The following ALMS1 variants were observed in gnomAD, a reference collection of about 807,000 sequenced individuals.
The protein encoded by ALMS1 is centrosome-associated protein ALMS1.
In ALMS1, 271 loss-of-function variants were observed where a neutral mutation model predicts 352.2. The observed-to-expected ratio is 0.77, with a 90% CI of 0.70 to 0.85. The LOEUF (loss-of-function observed/expected upper bound fraction) is 0.85. Among genes scored for constraint, ALMS1 ranks in the 40% least tolerant of loss-of-function variants. ALMS1 has a pLI of 0.00. For missense variants in ALMS1, 5,445 were observed against 4,870.7 expected (o/e 1.12, Z -3.51); for synonymous variants, 1,865 against 1,761.2 (o/e 1.06, Z -1.48).
At position 73,558,939 on chromosome 2, in the gene ALMS1, T is replaced by C. The variant is rs777180333; in HGVS notation, c.10214-33T>C. On this transcript the variant is annotated intron_variant, in intron 14 of 22. Coordinates refer to ENST00000613296, the MANE Select transcript of ALMS1 (RefSeq NM_001378454.1). Reference sequence around the variant, plus strand: ...TTAAAAATCTTTTATGTCAAGTTCCTGTCTGTATAGTGTGTTAATTTCCCT... The same window carrying C: ...TTAAAAATCTTTTATGTCAAGTTCCCGTCTGTATAGTGTGTTAATTTCCCT... The C allele has an allele frequency of 1.9e-6, 3 of 1,611,884 alleles. No individual in the cohort carries two copies. In the South Asian group the frequency reaches 3.3e-5, roughly 18 times the overall value.
intron 21 of ALMS1, among the ~76,000 whole-genome samples, chr2:73,604,363 G>A (rs1386052530): frequency 1.3e-5 from 2 of 152,056 alleles, no homozygotes; most frequent in South Asian, 2.1e-4. Flanking sequence ...ACACCATTAC[G>A]CTCCGGCCTG....
At chr2:73,406,680 C>T (rs1319687514) in intron 1 of ALMS1, among the ~76,000 whole-genome samples, 1 of 152,140 alleles carries the variant, frequency 6.6e-6, no homozygotes, top group African/African-American at 2.4e-5. Context: ...TATAAAAACT[C>T]TAGTCCTTTA....
intron 9 of ALMS1, among the ~76,000 whole-genome samples, chr2:73,471,973 TAAAG>T (rs1040959511): frequency 2.0e-5 from 3 of 151,942 alleles, no homozygotes; most frequent in African/African-American, 7.2e-5. Flanking sequence ...GATGAATGGA[TAAAG>T]AAAATGTGGT....
At chr2:73,582,409 A>T (rs1017584823) in intron 16 of ALMS1, among the ~76,000 whole-genome samples, 1 of 152,200 alleles carries the variant, frequency 6.6e-6, no homozygotes, top group Non-Finnish European at 1.5e-5. Context: ...TCCCTTCTTA[A>T]CTGTTCTTAA....
intron 9 of ALMS1, among the ~76,000 whole-genome samples, chr2:73,465,546 C>T (rs1268535718): frequency 6.6e-6 from 1 of 152,172 alleles, no homozygotes; most frequent in African/African-American, 2.4e-5. Flanking sequence ...TAGAAGAAAA[C>T]CTAGGCAATA....
intron 15 of ALMS1, among the ~76,000 whole-genome samples, chr2:73,571,177 C>T (rs1674919361): frequency 6.6e-6 from 1 of 152,014 alleles, no homozygotes; most frequent in Non-Finnish European, 1.5e-5. Context: ...TGGGGAAGTC[C>T]GTAGGGATTC....
intron 10 of ALMS1, among the ~76,000 whole-genome samples, chr2:73,517,679 C>T (rs1457803237): frequency 1.3e-5 from 2 of 151,222 alleles, no homozygotes; most frequent in Non-Finnish European, 2.9e-5. Context: ...TTTTTGAAGA[C>T]AGAGTTTTGC....
chr2:73,402,975 TGTA>T (rs1670901859), intron 1 of ALMS1, among the ~76,000 whole-genome samples: 2 of 152,326 alleles, frequency 1.3e-5, no homozygotes, highest in South Asian at 4.1e-4. Context: ...TTTTCTCATC[TGTA>T]GTAGACTGTC....
chr2:73,536,356 T>G (rs1442783278), intron 12 of ALMS1, among the ~76,000 whole-genome samples: 2 of 152,124 alleles, frequency 1.3e-5, no homozygotes, highest in Non-Finnish European at 2.9e-5. Context: ...CTGAACAGTG[T>G]AGGTGATGGG....
In ALMS1 at chr2:73,572,493, A is replaced by C. The variant is rs1223712611; in HGVS notation, c.10616A>C (p.Lys3539Thr). The C allele has an allele frequency of 6.2e-7, 1 of 1,613,980 alleles. No individual in the cohort carries two copies. Among genetic ancestry groups the C allele is most frequent in the Admixed American group, 1.7e-5 (1 of 60,004 alleles). ...PLPYQNMDKTKTDYTRIKSLS... is the reference protein window; with the variant it reads ...PLPYQNMDKTTTDYTRIKSLS... ...CCTTATCAAAACATGGACAAGACTAAGACAGATTATACCAGAATAAAGAGC... is the reference window on the plus strand; with the variant it reads ...CCTTATCAAAACATGGACAAGACTACGACAGATTATACCAGAATAAAGAGC... Residue 3539 changes from lysine (K) to threonine (T), a missense_variant, in exon 16 of 23, where the codon AAG becomes ACG. Physicochemically the swap from Lys to Thr is moderately conservative, Grantham distance 78. Transcript: ENST00000613296.
intron 8 of ALMS1, 119 bp downstream of exon 8, chr2:73,454,186 T>C: frequency 6.7e-7 from 1 of 1,485,638 alleles, no homozygotes; most frequent in Non-Finnish European, 8.9e-7. Context: ...AGAAAAAAAA[T>C]GAAGTTAGAT....
intron 2 of ALMS1, among the ~76,000 whole-genome samples, chr2:73,417,260 CTA>C (rs565851812): frequency 1.5e-3 from 224 of 152,196 alleles, no homozygotes; most frequent in Non-Finnish European, 2.4e-3. Flanking sequence ...TTCTACAAAA[CTA>C]TGAGTATTTC....
intron 10 of ALMS1, among the ~76,000 whole-genome samples, chr2:73,510,327 G>A (rs1346438025): frequency 2.6e-5 from 4 of 152,146 alleles, no homozygotes; most frequent in African/African-American, 9.7e-5. Flanking sequence ...TTTTGCACTG[G>A]TTTTTCCTCA....
chr2:73,425,588 G>T (rs1262194158), intron 5 of ALMS1, among the ~76,000 whole-genome samples: 3 of 152,050 alleles, frequency 2.0e-5, no homozygotes. Flanking sequence ...TAGCCTTTGA[G>T]GCAGTTATTG....
At position 73,490,323 on chromosome 2, in the gene ALMS1, A is replaced by G. The variant is rs201353555; in HGVS notation, c.8364A>G (p.Leu2788=). 1 of 1,611,714 alleles carries G rather than the reference A, an allele frequency of 6.2e-7. No individual in the cohort carries two copies. The highest frequency in any genetic ancestry group is 1.3e-5 in the African/African-American group (1 of 74,842). ...CACAAGATAAAGAAGTGACTATTTTAGCAGAAGGTAGAAGGCAAAGCCAAA... is the reference window on the plus strand; with the variant it reads ...CACAAGATAAAGAAGTGACTATTTTGGCAGAAGGTAGAAGGCAAAGCCAAA... ...SNSQDKEVTI[L]AEGRRQSQKL... is the part of the protein sequence containing the mutation. Residue 2788 remains leucine (L), a synonymous_variant, in exon 10 of 23, where the codon TTA becomes TTG. Transcript: ENST00000613296.
intron 15 of ALMS1, among the ~76,000 whole-genome samples, chr2:73,561,349 A>T (rs1674658972): frequency 6.6e-6 from 1 of 152,238 alleles, no homozygotes. Flanking sequence ...GTGTTGAAGG[A>T]GTGCTGGGAG....
intron 15 of ALMS1, among the ~76,000 whole-genome samples, chr2:73,567,166 G>A (rs1050422618): frequency 2.0e-5 from 3 of 152,214 alleles, no homozygotes; most frequent in Non-Finnish European, 4.4e-5. Flanking sequence ...GAGATCAGGG[G>A]TTGGGGCTGG....
At chr2:73,455,784 C>A (rs1006730447) in intron 9 of ALMS1, among the ~76,000 whole-genome samples, 2 of 152,078 alleles carry the variant, frequency 1.3e-5, no homozygotes, top group African/African-American at 4.8e-5. Flanking sequence ...ATTCCAAATT[C>A]ATATTTTGAA....
intron 16 of ALMS1, among the ~76,000 whole-genome samples, chr2:73,590,677 CTTTTTTTTTT>C (rs35264211): frequency 9.2e-6 from 1 of 108,440 alleles, no homozygotes; most frequent in Non-Finnish European, 1.9e-5. Context: ...TGTTTTATTA[CTTTTTTTTTT>C]TTTTTTTTTT....
Sources: allele counts gnomAD v4.1 joint callset (sites outside exome capture counted in the v4.1 genomes callset), GRCh38; gene constraint gnomAD v4.1.1; transcripts MANE v1.5; gene names NCBI Gene and HGNC (gene_info 2026-07-23, HGNC 2026-07-21).